The following KCNQ3 variants were observed in gnomAD, a reference collection of about 807,000 sequenced individuals.
The protein encoded by KCNQ3 is potassium voltage-gated channel subfamily KQT member 3.
In KCNQ3, 30 loss-of-function variants were observed where a neutral mutation model predicts 92.5. The ratio of observed to expected loss-of-function variants is 0.32; its 90% confidence interval spans 0.24 to 0.44. The LOEUF (loss-of-function observed/expected upper bound fraction) is 0.44. KCNQ3 is among the 20% of genes least tolerant of loss of function. KCNQ3 has a pLI of 1.00. For missense variants in KCNQ3, 913 were observed against 1,140.3 expected (o/e 0.80, Z 2.87); for synonymous variants, 450 against 468.8 (o/e 0.96, Z 0.52).
At chr8:132,366,358 G>C (rs745477895) in intron 1 of KCNQ3, among the ~76,000 whole-genome samples, 6 of 152,004 alleles carry the variant, frequency 3.9e-5, no homozygotes, top group Admixed American at 3.3e-4. Context: ...CTTGATTTAA[G>C]TTTTCCAGGC....
chr8:132,299,010 A>T (rs961524420), intron 1 of KCNQ3, among the ~76,000 whole-genome samples: 1 of 152,118 alleles, frequency 6.6e-6, no homozygotes, highest in Non-Finnish European at 1.5e-5. Context: ...CACAGAGTTT[A>T]ACAGGGTCTA....
intron 1 of KCNQ3, among the ~76,000 whole-genome samples, chr8:132,368,915 C>CT (rs1819396202): frequency 8.1e-6 from 1 of 122,802 alleles, no homozygotes; most frequent in African/African-American, 3.8e-5. Flanking sequence ...CCTTTACTGA[C>CT]CCTTTTTTCT....
At chr8:132,218,474 T>G (rs1477212262) in intron 1 of KCNQ3, among the ~76,000 whole-genome samples, 1 of 152,132 alleles carries the variant, frequency 6.6e-6, no homozygotes, top group Admixed American at 6.5e-5. Flanking sequence ...CTAATAACAA[T>G]AGACAGAAAC....
At chr8:132,191,792 T>TGA (rs1827171180) in intron 1 of KCNQ3, among the ~76,000 whole-genome samples, 1 of 151,802 alleles carries the variant, frequency 6.6e-6, no homozygotes, top group Non-Finnish European at 1.5e-5. Flanking sequence ...AAGGGTCCCA[T>TGA]GAGAGAGCAT....
At chr8:132,373,573 A>C (rs964513101) in intron 1 of KCNQ3, among the ~76,000 whole-genome samples, 5 of 152,160 alleles carry the variant, frequency 3.3e-5, no homozygotes, top group Non-Finnish European at 7.4e-5. Flanking sequence ...TGAGGCACAG[A>C]GGGATTAAGT....
At chr8:132,317,248 TA>T in intron 1 of KCNQ3, among the ~76,000 whole-genome samples, 1 of 152,202 alleles carries the variant, frequency 6.6e-6, no homozygotes, top group East Asian at 1.9e-4. Context: ...AAAATAGTTG[TA>T]AGGTGACTCT....
chr8:132,190,379 C>G (rs1167892536), intron 1 of KCNQ3, among the ~76,000 whole-genome samples: 1 of 151,734 alleles, frequency 6.6e-6, no homozygotes. Context: ...TTTAATATGG[C>G]AAAGGCAACT....
In KCNQ3 at chr8:132,444,725, C is replaced by T. The variant is rs140368777; in HGVS notation, c.386+35422G>A. Among the ~76,000 whole-genome samples the T allele has an allele frequency of 3.7e-4, 57 of 152,344 alleles. 1 individual carries two copies. The East Asian group carries it at 7.9e-3, about 21-fold the overall frequency. On this transcript the variant is annotated intron_variant, in intron 1 of 14. Transcript: ENST00000388996. Reference sequence around the variant, plus strand: ...GGTCAGTGCTGCTCCGCCAACTGAGCTGCAGGATGGCAGATTGCAGAGAGC... The same window carrying T: ...GGTCAGTGCTGCTCCGCCAACTGAGTTGCAGGATGGCAGATTGCAGAGAGC...
At chr8:132,406,328 C>G (rs964505022) in intron 1 of KCNQ3, among the ~76,000 whole-genome samples, 3 of 152,110 alleles carry the variant, frequency 2.0e-5, no homozygotes, top group Admixed American at 2.0e-4. Context: ...GAAGCTACGT[C>G]CAATCTCACA....
At chr8:132,244,665 T>C (rs1045846097) in intron 1 of KCNQ3, among the ~76,000 whole-genome samples, 5 of 152,114 alleles carry the variant, frequency 3.3e-5, no homozygotes, top group Non-Finnish European at 4.4e-5. Flanking sequence ...CAGACACACA[T>C]TTTGCACATG....
intron 1 of KCNQ3, among the ~76,000 whole-genome samples, chr8:132,195,165 C>G (rs1827268368): frequency 6.6e-6 from 1 of 152,194 alleles, no homozygotes; most frequent in Non-Finnish European, 1.5e-5. Context: ...TTTTCTCTCT[C>G]CAAATATGCC....
At chr8:132,180,853 A>T (rs1421943363) in intron 3 of KCNQ3, among the ~76,000 whole-genome samples, 1 of 142,298 alleles carries the variant, frequency 7.0e-6, no homozygotes, top group African/African-American at 2.6e-5. Context: ...AAAAAAAACC[A>T]ATGTTGGGGG....
intron 1 of KCNQ3, among the ~76,000 whole-genome samples, chr8:132,451,241 T>A (rs184932791): frequency 1.3e-5 from 2 of 152,228 alleles, no homozygotes; most frequent in African/African-American, 4.8e-5. Flanking sequence ...TGACTTTGCT[T>A]CTCCTTTGCC....
At chr8:132,418,856 G>A (rs1820890326) in intron 1 of KCNQ3, among the ~76,000 whole-genome samples, 1 of 152,128 alleles carries the variant, frequency 6.6e-6, no homozygotes, top group Non-Finnish European at 1.5e-5. Context: ...GTTGGGGTGT[G>A]GGCACAGAGA....
chr8:132,295,717 G>A (rs115766046), intron 1 of KCNQ3, among the ~76,000 whole-genome samples: 11,933 of 152,220 alleles, frequency 0.078, 532 homozygotes, highest in South Asian at 0.16. Flanking sequence ...AAAGGAACAA[G>A]ATCATGCCCT....
chr8:132,395,884 C>T (rs1191144697), intron 1 of KCNQ3, among the ~76,000 whole-genome samples: 1 of 152,224 alleles, frequency 6.6e-6, no homozygotes, highest in East Asian at 1.9e-4. Context: ...GGAACACGAA[C>T]TGGCCCAAAG....
chr8:132,187,123 G>C (rs1009495270), intron 1 of KCNQ3: 6 of 455,246 alleles, frequency 1.3e-5, no homozygotes, highest in African/African-American at 1.0e-4. Context: ...GGGTTTATGG[G>C]TGAAGCTTGG....
intron 1 of KCNQ3, among the ~76,000 whole-genome samples, chr8:132,359,094 C>T (rs1225668572): frequency 6.6e-6 from 1 of 152,184 alleles, no homozygotes; most frequent in African/African-American, 2.4e-5. Flanking sequence ...TCCTCATTTC[C>T]TTATCTGTCT....
intron 1 of KCNQ3, among the ~76,000 whole-genome samples, chr8:132,447,544 G>C (rs1287878550): frequency 1.3e-5 from 2 of 152,188 alleles, no homozygotes; most frequent in African/African-American, 2.4e-5. Flanking sequence ...AAGGAGCAGA[G>C]TAGCGGGTGA....
Sources: allele counts gnomAD v4.1 joint callset (sites outside exome capture counted in the v4.1 genomes callset), GRCh38; gene constraint gnomAD v4.1.1; transcripts MANE v1.5; gene names NCBI Gene and HGNC (gene_info 2026-07-23, HGNC 2026-07-21).